PGLYRP2: variants seen among roughly 807,000 people sequenced by gnomAD.
PGLYRP2 encodes the protein peptidoglycan recognition protein 2, also known as N-acetylmuramoyl-L-alanine amidase.
Under a neutral mutation model 46.2 loss-of-function variants are expected in PGLYRP2, and 38 were observed. The ratio of observed to expected loss-of-function variants is 0.82; its 90% CI spans 0.64 to 1.08. The LOEUF (loss-of-function observed/expected upper bound fraction) is 1.08, where lower values mean the gene tolerates loss of function less well. PGLYRP2 is among the 50% of genes least tolerant of loss of function. The probability of loss-of-function intolerance (pLI) is 0.00; values close to 1 mark genes in which losing one functional copy is unlikely to be tolerated. For synonymous variants in PGLYRP2, 289 were observed against 329.4 expected, an observed-to-expected ratio of 0.88 and a Z score of 1.33; for missense variants, 713 against 755.9, an observed-to-expected ratio of 0.94 and a Z score of 0.67.
chr19:15,472,869 T>C (rs1008336805), intron 2 of PGLYRP2, among the ~76,000 whole-genome samples: 1 of 152,048 alleles, frequency 6.6e-6, no homozygotes, highest in Non-Finnish European at 1.5e-5. Flanking sequence ...TGAGCCCAAA[T>C]AGCAAAAGCA....
intron 1 of PGLYRP2, 47 bp downstream of exon 1, chr19:15,479,264 C>A: frequency 6.2e-7 from 1 of 1,601,522 alleles, no homozygotes; most frequent in Non-Finnish European, 8.6e-7. Context: ...AGTACGCCTT[C>A]TGCAGAGCCA....
chr19:15,478,630 GTTTT>G (rs1165681147), intron 1 of PGLYRP2, among the ~76,000 whole-genome samples: 1 of 128,200 alleles, frequency 7.8e-6, no homozygotes, highest in Admixed American at 8.0e-5. Context: ...ATTTGCCTTT[GTTTT>G]TTTTTTTTTT....
Position 15,469,858 on chromosome 19 carries a change from C to T in PGLYRP2, c.1415G>A (p.Gly472Asp), listed in dbSNP as rs1288836239. 2.6e-6 allele frequency: 4 copies of T among 1,511,120 alleles called. No individual in the cohort carries two copies. Among genetic ancestry groups the T allele is most frequent in the South Asian group, 2.5e-5 (2 of 78,802 alleles). The allele number at this position is 1,511,120 out of a possible 1,614,324, so 93.6% of individuals were successfully genotyped here. A position where few individuals can be genotyped will look rare whatever the true frequency, so the allele number is the denominator to read the frequency against. ...CACGCCGAAGCCCCGGGAGTTGTGG[C>T]CGAGCGTGTGGGCGCCCACCCAGTG... Reference protein sequence around the residue: ...GWHWVGAHTLGHNSRGFGVAI... With the variant: ...GWHWVGAHTLDHNSRGFGVAI... Residue 472 changes from glycine (G) to aspartate (D), a missense_variant, in exon 4 of 5, where the codon GGC becomes GAC. Physicochemically the swap from Gly to Asp is moderately conservative, Grantham distance 94. Coordinates refer to ENST00000340880, the MANE Select transcript of PGLYRP2 (RefSeq NM_052890.4). This position sits in a 1 kb window ranked among gnomAD's most constrained non-coding sequence, Gnocchi z 4.9.
chr19:15,474,730 C>T (rs879920863), intron 2 of PGLYRP2, among the ~76,000 whole-genome samples: 10 of 151,888 alleles, frequency 6.6e-5, no homozygotes, highest in Non-Finnish European at 1.2e-4. Context: ...GGCTCACGCC[C>T]GTAATCCTAG....
chr19:15,472,846 A>C (rs1171869399), intron 2 of PGLYRP2, among the ~76,000 whole-genome samples: 1 of 152,220 alleles, frequency 6.6e-6, no homozygotes, highest in Non-Finnish European at 1.5e-5. Context: ...TGAAATTCGC[A>C]AGGAACCAAA....
At position 15,471,981 on chromosome 19, in the gene PGLYRP2, G is replaced by C; in HGVS notation, c.1252C>G (p.Pro418Ala). The change falls in exon 3 of 5, where the codon CCC becomes GCC. Residue 418 changes from proline (P) to alanine (A), a missense_variant. By Grantham distance (27) the Pro-to-Ala change is conservative (BLOSUM62 -1). Transcript: ENST00000340880. ...YVHHTYVPAP[P>A]CTDFTRCAAN... ...GCGCAGCGCGTGAAGTCCGTGCAGGGTGGTGCAGGCACGTAGGTGTGATGC... is the reference window on the plus strand; with the variant it reads ...GCGCAGCGCGTGAAGTCCGTGCAGGCTGGTGCAGGCACGTAGGTGTGATGC... 1.2e-6 allele frequency: 2 copies of C among 1,614,050 alleles called. No individual in the cohort carries two copies. The highest frequency in any genetic ancestry group is 1.7e-6 in the Non-Finnish European group (2 of 1,179,976).
chr19:15,476,377 G>A lies in PGLYRP2; in HGVS notation c.293C>T (p.Ala98Val), dbSNP rs1213685548. The A allele has an allele frequency of 6.2e-7, 1 of 1,614,080 alleles. No individual in the cohort carries two copies. Among genetic ancestry groups the A allele is most frequent in the Admixed American group, 1.7e-5 (1 of 60,004 alleles). Residue 98 changes from alanine (A) to valine (V), a missense_variant, in exon 2 of 5, where the codon GCC becomes GTC. Coordinates refer to ENST00000340880, the MANE Select transcript of PGLYRP2 (RefSeq NM_052890.4). The stretch of plus-strand genomic sequence containing the variant: ...CTTCCCTTCTCGTACGTCATGTCGG[G>A]CCACCTCCTTGGTCAGGCCTAACAG... ...PELLGLTKEV[A>V]RHDVREGKEY...
In PGLYRP2 at chr19:15,469,474, G is replaced by A. The variant is rs1205986487; in HGVS notation, c.1641+158C>T. 1.9e-6 allele frequency: 2 copies of A among 1,028,480 alleles called. No homozygotes were observed. Among genetic ancestry groups the A allele is most frequent in the African/African-American group, 1.6e-5 (1 of 63,160 alleles). The allele number at this position is 1,028,480 out of a possible 1,614,324, so 63.7% of individuals were successfully genotyped here. A position where few individuals can be genotyped will look rare whatever the true frequency, so the allele number is the denominator to read the frequency against. On this transcript the variant is annotated intron_variant, in intron 4 of 4. Transcript: ENST00000340880. This position sits in a 1 kb window ranked among gnomAD's most constrained non-coding sequence, Gnocchi z 4.9. ...GTTGCCCGCAGAGTGACCCGCAAAG[G>A]CTGGGCCTAGGTTTCCTGAATAGAC...
chr19:15,479,474 T>C lies in PGLYRP2; in HGVS notation c.-103A>G. ...GGCACAGAGAACTGAGCAGAGCCTT[T>C]GACCACTGTCAAAGTCCAGCGGCGA... On this transcript the variant is annotated 5_prime_UTR_variant, in exon 1 of 5. Transcript: ENST00000340880. 8.5e-7 allele frequency: 1 copy of C among 1,180,580 alleles called. No homozygotes were observed. Among genetic ancestry groups the C allele is most frequent in the Non-Finnish European group, 1.2e-6 (1 of 808,576 alleles). 73.1% of individuals were successfully genotyped at this position (1,180,580 alleles called of 1,614,324 possible). A position where few individuals can be genotyped will look rare whatever the true frequency, so the allele number is the denominator to read the frequency against.
intron 1 of PGLYRP2, among the ~76,000 whole-genome samples, chr19:15,476,987 A>C (rs1477210090): frequency 2.6e-5 from 4 of 152,180 alleles, no homozygotes; most frequent in African/African-American, 9.7e-5. Flanking sequence ...AGGTAGTGAC[A>C]TTGCAGTGGA....
At chr19:15,477,711 TAAAATA>T (rs1487101808) in intron 1 of PGLYRP2, among the ~76,000 whole-genome samples, 1,198 of 53,472 alleles carry the variant, frequency 0.022, 11 homozygotes, top group African/African-American at 0.076. Flanking sequence ...ATAAAATAAA[TAAAATA>T]AAATTAAATT....
chr19:15,474,286 G>C (rs1203999202), intron 2 of PGLYRP2, among the ~76,000 whole-genome samples: 1 of 152,108 alleles, frequency 6.6e-6, no homozygotes, highest in Non-Finnish European at 1.5e-5. Flanking sequence ...GCAGTGAGCC[G>C]AGATTGTGCC....
At chr19:15,472,574 C>G (rs766018393) in intron 2 of PGLYRP2, among the ~76,000 whole-genome samples, 4 of 151,316 alleles carry the variant, frequency 2.6e-5, no homozygotes, top group African/African-American at 9.7e-5. Context: ...GCCTGGGTGA[C>G]AGAGCAAGAC....
At chr19:15,475,298 T>C (rs967419617) in intron 2 of PGLYRP2, among the ~76,000 whole-genome samples, 6 of 152,116 alleles carry the variant, frequency 3.9e-5, no homozygotes, top group African/African-American at 1.4e-4. Context: ...GTTACACTTG[T>C]ACCCCATAAA....
chr19:15,470,706 G>C (rs978389211), intron 3 of PGLYRP2, among the ~76,000 whole-genome samples: 1 of 151,506 alleles, frequency 6.6e-6, no homozygotes, highest in African/African-American at 2.4e-5. Context: ...GTGCAACGAC[G>C]CGATCTCGGC....
At chr19:15,475,389 C>T in intron 2 of PGLYRP2, 149 bp downstream of exon 2, 1 of 711,044 alleles carries the variant, frequency 1.4e-6, no homozygotes, top group South Asian at 2.2e-5. Flanking sequence ...CTGGCATTTC[C>T]TCACCTGTGC....
intron 3 of PGLYRP2, among the ~76,000 whole-genome samples, chr19:15,470,463 AT>A (rs796077996): frequency 1.1e-4 from 16 of 147,368 alleles, no homozygotes; most frequent in African/African-American, 3.2e-4. Flanking sequence ...CGCCCATCTA[AT>A]TTTTTTTTTA....
At chr19:15,478,238 T>G (rs1970815434) in intron 1 of PGLYRP2, among the ~76,000 whole-genome samples, 1 of 152,086 alleles carries the variant, frequency 6.6e-6, no homozygotes, top group Non-Finnish European at 1.5e-5. Flanking sequence ...TCCCAGCTAC[T>G]TGGGGGGCTG....
At chr19:15,468,807 G>C in intron 4 of PGLYRP2, 55 bp from the exon 5 acceptor site, 1 of 1,422,744 alleles carries the variant, frequency 7.0e-7, no homozygotes, top group Middle Eastern at 2.0e-4. Context: ...ATGTGGCTGG[G>C]TCTGCCCTCC....
Sources: allele counts gnomAD v4.1 joint callset (sites outside exome capture counted in the v4.1 genomes callset), GRCh38; gene constraint gnomAD v4.1.1; non-coding constraint Gnocchi (gnomAD v3.1); transcripts MANE v1.5; gene names NCBI Gene and HGNC (gene_info 2026-07-23, HGNC 2026-07-21).